Variants in DLC1 observed in about 807,000 individuals in gnomAD.
DLC1 encodes rho GTPase-activating protein 7.
In DLC1, 54 loss-of-function variants were observed where a neutral mutation model predicts 140.3. That is an observed-to-expected ratio of 0.38 (90% confidence interval 0.31 to 0.48). DLC1 has a LOEUF of 0.48. DLC1 is among the 20% of genes least tolerant of loss of function. The pLI is 0.96. For synonymous variants in DLC1, 986 were observed against 728.1 expected (o/e 1.35, Z -5.70); for missense variants, 2,536 against 1,907.0 (o/e 1.33, Z -6.14).
At chr8:13,451,124 A>G (rs1799036256) in intron 2 of DLC1, among the ~76,000 whole-genome samples, 1 of 151,658 alleles carries the variant, frequency 6.6e-6, no homozygotes, top group Admixed American at 6.6e-5. Flanking sequence ...ACAACGAAAT[A>G]AAGTAAGAGT....
rs555183287 is a variant in DLC1 at position 13,167,565 on chromosome 8, G to A, written c.1349-51908C>T. 2.3e-4 allele frequency among the ~76,000 whole-genome samples: 35 copies of A among 152,224 alleles called. No homozygotes were observed. In the South Asian group the frequency reaches 7.1e-3, roughly 31 times the overall value. On this transcript the variant is annotated intron_variant, in intron 5 of 17. Transcript: ENST00000276297. ...GGCTCTTTGTGGCTTGATGGGTGAC[G>A]CCTGAAATCAGAGTACAGATCCCGG... is the stretch of plus-strand genomic sequence containing the variant.
intron 1 of DLC1, among the ~76,000 whole-genome samples, chr8:13,511,227 C>T (rs1368876867): frequency 6.6e-6 from 1 of 152,132 alleles, no homozygotes; most frequent in African/African-American, 2.4e-5. Flanking sequence ...CAAGCTAATA[C>T]AGAAACAACC....
chr8:13,276,979 T>C (rs1271027181), intron 5 of DLC1: 4 of 152,286 alleles, frequency 2.6e-5, no homozygotes, highest in Non-Finnish European at 2.9e-5. Flanking sequence ...GGAAGGAAGA[T>C]ATGGCTGGAA....
intron 2 of DLC1, among the ~76,000 whole-genome samples, chr8:13,421,496 G>T (rs1230905178): frequency 1.3e-5 from 2 of 152,124 alleles, no homozygotes; most frequent in Non-Finnish European, 2.9e-5. Flanking sequence ...AAAAGTCAAA[G>T]TTCCTACGGA....
At chr8:13,412,349 T>C (rs1585062640) in intron 2 of DLC1, among the ~76,000 whole-genome samples, 2 of 152,170 alleles carry the variant, frequency 1.3e-5, no homozygotes, top group Non-Finnish European at 2.9e-5. Context: ...GGAGTCTCTA[T>C]CGAAATTTAA....
intron 15 of DLC1, among the ~76,000 whole-genome samples, 193 bp downstream of exon 15, chr8:13,090,059 A>G (rs1585572010): frequency 1.3e-5 from 2 of 152,204 alleles, no homozygotes; most frequent in East Asian, 3.9e-4. Context: ...GTTACACAGG[A>G]AGAAAATTAC....
In DLC1 at chr8:13,146,858, C is replaced by T. The variant is rs140166015; in HGVS notation, c.1349-31201G>A. Among the ~76,000 whole-genome samples, 629 of 152,182 alleles carry T rather than the reference C, an allele frequency of 4.1e-3. 5 individuals carry two copies. The highest frequency in any genetic ancestry group is 0.014 in the African/African-American group (599 of 41,516). On this transcript the variant is annotated intron_variant, in intron 5 of 17. Transcript: ENST00000276297. Reference sequence around the variant, plus strand: ...CTGGTTAGTGTTGACTTGACTGGGCCCGAATAGAGCTCTGTTTCTAAATAA... The same window carrying T: ...CTGGTTAGTGTTGACTTGACTGGGCTCGAATAGAGCTCTGTTTCTAAATAA...
intron 1 of DLC1, chr8:13,567,072 C>G: frequency 6.4e-7 from 1 of 1,551,768 alleles, no homozygotes; most frequent in Non-Finnish European, 8.7e-7. Flanking sequence ...CTTTGAAGAA[C>G]TCTACTGATG....
chr8:13,269,865 G>A (rs1176362483), intron 5 of DLC1, among the ~76,000 whole-genome samples: 1 of 150,646 alleles, frequency 6.6e-6, no homozygotes, highest in African/African-American at 2.4e-5. Flanking sequence ...AGACCATCCT[G>A]GCTAACACGG....
At chr8:13,225,590 T>C (rs1368385622) in intron 5 of DLC1, among the ~76,000 whole-genome samples, 43 of 151,998 alleles carry the variant, frequency 2.8e-4, no homozygotes, top group Non-Finnish European at 8.8e-5. Flanking sequence ...CAAAAATTGA[T>C]TAATCGATTT....
intron 7 of DLC1, among the ~76,000 whole-genome samples, chr8:13,105,475 T>A (rs1239855864): frequency 6.6e-6 from 1 of 152,058 alleles, no homozygotes; most frequent in African/African-American, 2.4e-5. Context: ...ATGATTAACC[T>A]AGATTTTACA....
chr8:13,119,708 C>G (rs888364765), intron 5 of DLC1, among the ~76,000 whole-genome samples: 1 of 152,022 alleles, frequency 6.6e-6, no homozygotes. Context: ...CCCCAGCATT[C>G]TGGGAGGCCT....
At chr8:13,380,311 T>G (rs1057215085) in intron 4 of DLC1, among the ~76,000 whole-genome samples, 5 of 152,252 alleles carry the variant, frequency 3.3e-5, no homozygotes, top group African/African-American at 1.2e-4. Flanking sequence ...ACTTTTTTAT[T>G]GTGTTCAAAT....
At chr8:13,178,291 G>A (rs1425998570) in intron 5 of DLC1, among the ~76,000 whole-genome samples, 8 of 152,202 alleles carry the variant, frequency 5.3e-5, no homozygotes, top group Non-Finnish European at 7.4e-5. Context: ...GGCCGGGCGC[G>A]GTGGCTCACG....
chr8:13,290,212 C>A (rs1322892822), intron 5 of DLC1, among the ~76,000 whole-genome samples: 1 of 152,008 alleles, frequency 6.6e-6, no homozygotes. Flanking sequence ...TTTGAAGTAC[C>A]AAATGAAATG....
intron 3 of DLC1, among the ~76,000 whole-genome samples, chr8:13,395,185 A>G (rs998301810): frequency 6.6e-6 from 1 of 151,044 alleles, no homozygotes; most frequent in Admixed American, 6.6e-5. Context: ...CAATGGCGCA[A>G]TCTTGGCTCA....
At chr8:13,361,431 T>A (rs895688957) in intron 4 of DLC1, among the ~76,000 whole-genome samples, 50 of 150,664 alleles carry the variant, frequency 3.3e-4, no homozygotes, top group African/African-American at 1.0e-3. Context: ...ATTTTTTTTT[T>A]AATTTCTTTT....
chr8:13,277,665 T>C (rs1430824306), intron 5 of DLC1, among the ~76,000 whole-genome samples: 2 of 152,212 alleles, frequency 1.3e-5, no homozygotes, highest in Non-Finnish European at 2.9e-5. Context: ...GGCAGATTTT[T>C]TGCCTTTTAA....
At chr8:13,541,580 C>T (rs368268165) in intron 1 of DLC1, among the ~76,000 whole-genome samples, 3 of 152,138 alleles carry the variant, frequency 2.0e-5, no homozygotes, top group African/African-American at 7.2e-5. Context: ...GCCGGGGTCT[C>T]ACTCTGTCGC....
Sources: gnomAD v4.1 joint callset for allele counts (sites outside exome capture counted in the v4.1 genomes callset) on GRCh38, gnomAD v4.1.1 for gene constraint, MANE v1.5 for transcripts, NCBI Gene and HGNC (gene_info 2026-07-23, HGNC 2026-07-21) for gene names.